Variants in FBN2 observed in about 807,000 individuals in gnomAD.
The protein encoded by FBN2 is fibrillin 2.
FBN2 carries 105 observed loss-of-function variants against 355.6 expected under a neutral mutation model. The observed-to-expected ratio is 0.30, with a 90% CI of 0.25 to 0.35. The LOEUF is 0.35. Among genes scored for constraint, FBN2 ranks in the 10% least tolerant of loss-of-function variants. FBN2 has a pLI of 1.00. For synonymous variants in FBN2, 1,350 were observed against 1,301.2 expected (o/e 1.04, Z -0.81); for missense variants, 3,280 against 3,758.7 (o/e 0.87, Z 3.33).
chr5:128,337,630 G>A (rs552222876), intron 27 of FBN2, among the ~76,000 whole-genome samples: 67 of 152,358 alleles, frequency 4.4e-4, no homozygotes, highest in Non-Finnish European at 8.4e-4. Flanking sequence ...GCACAGGGGC[G>A]TAGAGCGGAG....
intron 55 of FBN2, among the ~76,000 whole-genome samples, chr5:128,284,874 C>T (rs913827152): frequency 6.6e-6 from 1 of 152,182 alleles, no homozygotes; most frequent in East Asian, 1.9e-4. Flanking sequence ...AAATGGGTCT[C>T]TACAAAAACA....
intron 8 of FBN2, among the ~76,000 whole-genome samples, chr5:128,400,540 G>A (rs1157653751): frequency 6.6e-6 from 1 of 152,034 alleles, no homozygotes; most frequent in Non-Finnish European, 1.5e-5. Context: ...TCTACAATCT[G>A]GCACCCATCA....
At chr5:128,488,346 T>C (rs1473348366) in intron 5 of FBN2, among the ~76,000 whole-genome samples, 1 of 152,112 alleles carries the variant, frequency 6.6e-6, no homozygotes, top group African/African-American at 2.4e-5. Context: ...CAACCATGAA[T>C]TGTCCGTAAG....
intron 55 of FBN2, among the ~76,000 whole-genome samples, chr5:128,283,029 C>T (rs2126813224): frequency 6.6e-6 from 1 of 152,296 alleles, no homozygotes; most frequent in Admixed American, 6.5e-5. Context: ...ACACATCAGA[C>T]ATCTCTCCCC....
chr5:128,304,972 G>A lies in FBN2; in HGVS notation c.5785C>T (p.Gln1929Ter). The change falls in exon 45 of 65, where the codon CAG becomes TAG. Residue 1929 changes from glutamine to a stop codon, truncating the protein, a stop_gained. Transcript: ENST00000262464. LOFTEE classifies it high-confidence loss of function. ...CCCTTCTTACCCATGCACATGGTCTGGTCCTGAGAAGCCTTAAAGCCATTG... is the reference window on the plus strand; with the variant it reads ...CCCTTCTTACCCATGCACATGGTCTAGTCCTGAGAAGCCTTAAAGCCATTG... ...CHNGFKASQD[Q>*]TMCMDVDECE... is the part of the protein sequence containing the mutation. The A allele has an allele frequency of 6.2e-7, 1 of 1,613,938 alleles. No individual in the cohort carries two copies. The highest frequency in any genetic ancestry group is 8.5e-7 in the Non-Finnish European group (1 of 1,179,960).
chr5:128,368,577 TCAC>T (rs575671414), intron 16 of FBN2, among the ~76,000 whole-genome samples: 2 of 151,268 alleles, frequency 1.3e-5, no homozygotes, highest in South Asian at 4.1e-4. Flanking sequence ...CTATTTGTCT[TCAC>T]CATGACAGCA....
chr5:128,276,589 C>G (rs139927112), intron 58 of FBN2, among the ~76,000 whole-genome samples: 93 of 152,266 alleles, frequency 6.1e-4, no homozygotes, highest in African/African-American at 2.2e-3. Context: ...CCTTCAGATT[C>G]AGTCCTCACC....
At chr5:128,329,588 T>C (rs964420338) in intron 33 of FBN2, among the ~76,000 whole-genome samples, 4 of 152,300 alleles carry the variant, frequency 2.6e-5, no homozygotes, top group South Asian at 2.1e-4. Flanking sequence ...CAGGATCTGA[T>C]TGCAGATGTG....
chr5:128,346,448 G>A (rs1231791651), intron 23 of FBN2, among the ~76,000 whole-genome samples: 1 of 152,158 alleles, frequency 6.6e-6, no homozygotes, highest in Non-Finnish European at 1.5e-5. Context: ...CTTTCCAGAA[G>A]CTGAAAACTG....
chr5:128,481,737 CTAAT>C (rs1755194854), intron 5 of FBN2, among the ~76,000 whole-genome samples: 1 of 151,980 alleles, frequency 6.6e-6, no homozygotes, highest in African/African-American at 2.4e-5. Flanking sequence ...TCTTCTGTCC[CTAAT>C]TATTTACAAA....
chr5:128,318,413 T>C, intron 35 of FBN2, 142 bp from the exon 36 acceptor site: 1 of 895,076 alleles, frequency 1.1e-6, no homozygotes, highest in Non-Finnish European at 1.9e-6. Context: ...AATAAATATC[T>C]TAAATTTTGG....
At position 128,259,281 on chromosome 5, in the gene FBN2, A is replaced by G; in HGVS notation, c.*174T>C. ...CCTTTGTGCTCAAATCTTTGGCCAT[A>G]CCAGAGTCTAAATTATCCCTCCCTG... is the stretch of plus-strand genomic sequence containing the variant. On this transcript the variant is annotated 3_prime_UTR_variant, in exon 65 of 65. Transcript: ENST00000262464. 1 of 790,020 alleles carries G rather than the reference A, an allele frequency of 1.3e-6. No homozygotes were observed. Among genetic ancestry groups the G allele is most frequent in the South Asian group, 1.6e-5 (1 of 62,106 alleles). The allele number at this position is 790,020 out of a possible 1,614,324, so 48.9% of individuals were successfully genotyped here.
intron 7 of FBN2, among the ~76,000 whole-genome samples, chr5:128,437,839 A>C (rs62391606): frequency 4.0e-5 from 6 of 149,276 alleles, no homozygotes; most frequent in African/African-American, 1.0e-4. Flanking sequence ...GACAGACAGA[A>C]AGACAGGAGA....
intron 5 of FBN2, among the ~76,000 whole-genome samples, chr5:128,478,094 G>A (rs1755053106): frequency 1.3e-5 from 2 of 152,112 alleles, no homozygotes; most frequent in South Asian, 2.1e-4. Flanking sequence ...GGTACTCCAC[G>A]GCATTACAGC....
intron 5 of FBN2, among the ~76,000 whole-genome samples, chr5:128,469,395 G>T (rs1053227860): frequency 6.6e-6 from 1 of 152,064 alleles, no homozygotes; most frequent in African/African-American, 2.4e-5. Context: ...GCTGGGTGTG[G>T]TGGTGGGTGC....
chr5:128,444,323 C>T (rs1421131012), intron 7 of FBN2, among the ~76,000 whole-genome samples: 1 of 152,032 alleles, frequency 6.6e-6, no homozygotes, highest in Non-Finnish European at 1.5e-5. Context: ...CCACCCGCCT[C>T]GGCCTCCCAA....
At chr5:128,283,534 A>G (rs1164482657) in intron 55 of FBN2, among the ~76,000 whole-genome samples, 1 of 152,176 alleles carries the variant, frequency 6.6e-6, no homozygotes, top group Non-Finnish European at 1.5e-5. Context: ...TAGTCTCCTA[A>G]TATTTTTAGT....
At chr5:128,360,030 C>T in intron 19 of FBN2, among the ~76,000 whole-genome samples, 1 of 152,042 alleles carries the variant, frequency 6.6e-6, no homozygotes, top group East Asian at 1.9e-4. Context: ...CATCAGTTTC[C>T]TAGTTAAATC....
rs548531309 is a variant in FBN2, at chr5:128,440,592, T to C, written c.952+5889A>G. On this transcript the variant is annotated intron_variant, in intron 7 of 64. Transcript: ENST00000262464. ...CTCCCACAAGGCCCCTCTTCCAGCA[T>C]TGGGGATTACAATTTGACATGAGAT... Among the ~76,000 whole-genome samples, 21 of 152,272 alleles carry C rather than the reference T, an allele frequency of 1.4e-4. No individual in the cohort carries two copies. In the East Asian group the frequency reaches 3.1e-3, roughly 22 times the overall value.
Sources: allele counts gnomAD v4.1 joint callset (sites outside exome capture counted in the v4.1 genomes callset), GRCh38; gene constraint gnomAD v4.1.1; transcripts MANE v1.5; gene names NCBI Gene and HGNC (gene_info 2026-07-23, HGNC 2026-07-21).